Variants in SEMA3C observed in about 807,000 individuals in gnomAD.
SEMA3C encodes the protein semaphorin-3C.
A neutral mutation model predicts 89.4 loss-of-function variants in SEMA3C; 47 were observed. That is an observed-to-expected ratio of 0.53 (90% CI 0.42 to 0.67). The LOEUF (loss-of-function observed/expected upper bound fraction) is 0.67. SEMA3C is among the 30% of genes least tolerant of loss of function. The pLI is 0.00. For missense variants in SEMA3C, 839 were observed against 929.1 expected (o/e 0.90, Z 1.26); for synonymous variants, 310 against 320.2 (o/e 0.97, Z 0.34).
At chr7:80,880,139 T>C (rs1258987007) in intron 2 of SEMA3C, among the ~76,000 whole-genome samples, 1 of 152,164 alleles carries the variant, frequency 6.6e-6, no homozygotes, top group Non-Finnish European at 1.5e-5. Context: ...TTAAGTCCCT[T>C]ATTCCATTCA....
intron 12 of SEMA3C, among the ~76,000 whole-genome samples, chr7:80,768,288 C>T (rs974746536): frequency 5.3e-5 from 8 of 152,134 alleles, no homozygotes; most frequent in East Asian, 1.9e-4. Flanking sequence ...CCGAGGTGGG[C>T]GGATCACGAG....
At chr7:80,812,528 C>A (rs1033176678) in intron 5 of SEMA3C, among the ~76,000 whole-genome samples, 1 of 152,070 alleles carries the variant, frequency 6.6e-6, no homozygotes, top group African/African-American at 2.4e-5. Flanking sequence ...CTGATTTGAC[C>A]AAATAAGTGA....
intron 2 of SEMA3C, among the ~76,000 whole-genome samples, chr7:80,909,086 ATG>A (rs1383597374): frequency 6.6e-6 from 1 of 151,778 alleles, no homozygotes; most frequent in African/African-American, 2.4e-5. Flanking sequence ...GAGTGTGTGT[ATG>A]TGTGTGTGTG....
At chr7:80,749,573 C>T (rs994103131) in intron 16 of SEMA3C, among the ~76,000 whole-genome samples, 8 of 152,122 alleles carry the variant, frequency 5.3e-5, no homozygotes, top group Non-Finnish European at 8.8e-5. Flanking sequence ...ATCAGAGGAA[C>T]GTAGGGCAAA....
intron 2 of SEMA3C, among the ~76,000 whole-genome samples, chr7:80,880,405 C>CT (rs1340779824): frequency 6.6e-6 from 1 of 152,184 alleles, no homozygotes; most frequent in Non-Finnish European, 1.5e-5. Context: ...TTCTGAGTCT[C>CT]TAACTCAGTA....
intron 2 of SEMA3C, among the ~76,000 whole-genome samples, chr7:80,873,012 G>T (rs1218278509): frequency 6.6e-6 from 1 of 151,950 alleles, no homozygotes; most frequent in Non-Finnish European, 1.5e-5. Flanking sequence ...GATCCTGGGG[G>T]CTTCAGGGAT....
chr7:80,804,243 T>G lies in SEMA3C; in HGVS notation c.664A>C (p.Met222Leu). The change falls in exon 8 of 18, where the codon ATG (methionine) becomes CTG (leucine). Residue 222 changes from methionine (M) to leucine (L), a missense_variant. Transcript: ENST00000265361. ...QHNSKWLSEP[M>L]FVDAHVIPDG... ...GGGATGACATGTGCATCTACAAACA[T>G]AGGTTCTAGAAAAAAAGGTAAAAGA... is the stretch of plus-strand genomic sequence containing the variant. The G allele has an allele frequency of 6.3e-7, 1 of 1,589,472 alleles. No homozygotes were observed. Among genetic ancestry groups the G allele is most frequent in the Non-Finnish European group, 8.6e-7 (1 of 1,168,258 alleles).
At chr7:80,822,533 T>C (rs1404099091) in intron 4 of SEMA3C, among the ~76,000 whole-genome samples, 1 of 152,004 alleles carries the variant, frequency 6.6e-6, no homozygotes, top group Non-Finnish European at 1.5e-5. Context: ...GTAATTACAG[T>C]TGGTCTGCCA....
At chr7:80,854,623 G>T (rs1790591392) in intron 2 of SEMA3C, among the ~76,000 whole-genome samples, 1 of 152,112 alleles carries the variant, frequency 6.6e-6, no homozygotes, top group Admixed American at 6.5e-5. Context: ...GTATACCGGT[G>T]CCTATCAGTT....
intron 17 of SEMA3C, among the ~76,000 whole-genome samples, chr7:80,746,888 G>C (rs1787814735): frequency 6.6e-6 from 1 of 152,004 alleles, no homozygotes; most frequent in African/African-American, 2.4e-5. Flanking sequence ...GTGAGAATAA[G>C]TATTGAAGTG....
chr7:80,922,110 T>C (rs1792419607), upstream of SEMA3C, among the ~76,000 whole-genome samples: 1 of 152,210 alleles, frequency 6.6e-6, no homozygotes, highest in African/African-American at 2.4e-5. Context: ...ATTATCTGCA[T>C]AGCATTCTTT....
chr7:80,774,358 T>C (rs552069737), intron 12 of SEMA3C, among the ~76,000 whole-genome samples: 2 of 152,116 alleles, frequency 1.3e-5, no homozygotes, highest in African/African-American at 2.4e-5. Context: ...AAGAACAAAG[T>C]TGAGATAAAC....
At chr7:80,746,580 T>G (rs998222445) in intron 17 of SEMA3C, among the ~76,000 whole-genome samples, 43 of 152,080 alleles carry the variant, frequency 2.8e-4, no homozygotes, top group Admixed American at 2.6e-3. Flanking sequence ...TGTGCAGGTA[T>G]TTTTGATAAG....
intron 12 of SEMA3C, among the ~76,000 whole-genome samples, chr7:80,784,373 A>AT (rs983619024): frequency 7.9e-4 from 117 of 148,724 alleles, no homozygotes; most frequent in East Asian, 9.8e-4. Flanking sequence ...TCAACCTGTG[A>AT]TTTTTTTTTT....
intron 1 of SEMA3C, among the ~76,000 whole-genome samples, chr7:80,917,983 A>C (rs1212477973): frequency 6.6e-6 from 1 of 152,236 alleles, no homozygotes; most frequent in Non-Finnish European, 1.5e-5. Context: ...GGTGGTGCAT[A>C]TGTTATGAGA....
upstream of SEMA3C, chr7:80,919,253 G>C (rs1412681711): frequency 8.6e-5 from 85 of 985,134 alleles, no homozygotes; most frequent in South Asian, 1.4e-4. Flanking sequence ...GGGGCGGACC[G>C]GGCGGGGCCG....
intron 5 of SEMA3C, among the ~76,000 whole-genome samples, chr7:80,813,288 A>G (rs1201624595): frequency 1.3e-5 from 2 of 152,212 alleles, no homozygotes; most frequent in Non-Finnish European, 2.9e-5. Context: ...AAAAAAGTAA[A>G]TTCAATACAT....
intron 12 of SEMA3C, among the ~76,000 whole-genome samples, chr7:80,784,271 T>TAAA (rs562925081): frequency 3.1e-4 from 41 of 133,092 alleles, no homozygotes; most frequent in Non-Finnish European, 5.1e-4. Context: ...TCCTCAAGAT[T>TAAA]AAAAAAAAAA....
intron 1 of SEMA3C, among the ~76,000 whole-genome samples, chr7:80,917,367 G>A (rs112337772): frequency 6.6e-5 from 10 of 152,136 alleles, no homozygotes; most frequent in Non-Finnish European, 1.5e-4. Context: ...GAAGTCACTG[G>A]AATCAGTTAT....
Sources: gnomAD v4.1 joint callset for allele counts (sites outside exome capture counted in the v4.1 genomes callset) on GRCh38, gnomAD v4.1.1 for gene constraint, MANE v1.5 for transcripts, NCBI Gene and HGNC (gene_info 2026-07-23, HGNC 2026-07-21) for gene names.